RYR1: variants seen among roughly 807,000 people sequenced by gnomAD.
RYR1 encodes central core disease of muscle.
RYR1 carries 342 observed loss-of-function variants against 583.5 expected under a neutral mutation model. The ratio of observed to expected loss-of-function variants is 0.59; its 90% CI spans 0.54 to 0.64. The LOEUF is 0.64. Ranked by LOEUF, RYR1 falls within the 30% of genes least tolerant of loss-of-function variation. The pLI, the probability that RYR1 is intolerant of heterozygous loss-of-function variation, is 0.00. For synonymous variants in RYR1, 2,791 were observed against 2,822.5 expected, an observed-to-expected ratio of 0.99 and a Z score of 0.35; for missense variants, 6,032 against 6,917.2, an observed-to-expected ratio of 0.87 and a Z score of 4.54.
chr19:38,544,630 A>G (rs3786830), intron 87 of RYR1, among the ~76,000 whole-genome samples: 3,470 of 152,150 alleles, frequency 0.023, 95 homozygotes, highest in Admixed American at 0.073. Context: ...TTTTTTTCTA[A>G]TTTGCTCAAA....
intron 89 of RYR1, among the ~76,000 whole-genome samples, chr19:38,554,240 T>G (rs1972784243): frequency 6.7e-6 from 1 of 149,096 alleles, no homozygotes; most frequent in Non-Finnish European, 1.5e-5. Context: ...TCACCTGAGG[T>G]CAGGAGTTCG....
At chr19:38,464,046 A>G (rs1967945107) in intron 22 of RYR1, among the ~76,000 whole-genome samples, 196 bp downstream of exon 22, 2 of 151,872 alleles carry the variant, frequency 1.3e-5, no homozygotes, top group Admixed American at 6.6e-5. Context: ...GGAGGCCGAG[A>G]CGGGTGGATC....
intron 47 of RYR1, among the ~76,000 whole-genome samples, chr19:38,501,545 G>C (rs1238756836): frequency 3.3e-5 from 5 of 152,196 alleles, no homozygotes; most frequent in Admixed American, 6.5e-5. Flanking sequence ...TGGGCACACA[G>C]AACTCTGTAC....
chr19:38,506,780 T>C lies in RYR1; in HGVS notation c.8693-49T>C, dbSNP rs768356363. On this transcript the variant is annotated intron_variant, in intron 56 of 105. Coordinates refer to ENST00000359596, the MANE Select transcript of RYR1 (RefSeq NM_000540.3). Reference sequence around the variant, plus strand: ...ACTGCAGGAACCACTTCAGTGAGAGTGGCCCGGGTCTTCCCCAGAGCCCTG... The same window carrying C: ...ACTGCAGGAACCACTTCAGTGAGAGCGGCCCGGGTCTTCCCCAGAGCCCTG... The C allele has an allele frequency of 5.6e-6, 9 of 1,613,210 alleles. No homozygotes were observed. The South Asian group carries it at 8.8e-5, about 16-fold the overall frequency.
Position 38,587,554 on chromosome 19 carries a change from G to GC in RYR1, c.*140dup. On this transcript the variant is annotated 3_prime_UTR_variant, in exon 106 of 106. Coordinates refer to ENST00000359596, the MANE Select transcript of RYR1 (RefSeq NM_000540.3). ...GTACTGGAAAATAAATCTGTGCTAC[G>GC]CCCCCCAGCATCACTGTGTTGGCCT... The GC allele has an allele frequency of 5.1e-6, 4 of 777,310 alleles. No homozygotes were observed. The highest frequency in any genetic ancestry group is 2.2e-6 in the Non-Finnish European group (1 of 448,154). The allele number at this position is 777,310 out of a possible 1,614,324, so 48.2% of individuals were successfully genotyped here.
At chr19:38,504,611 GT>G (rs1970355426) in intron 50 of RYR1, 136 bp from the exon 51 acceptor site, 2 of 1,261,392 alleles carry the variant, frequency 1.6e-6, no homozygotes, top group East Asian at 5.0e-5. Flanking sequence ...TGACATTTGG[GT>G]TTCAAGGAGA....
intron 27 of RYR1, among the ~76,000 whole-genome samples, chr19:38,469,847 C>T (rs146865065): frequency 0.015 from 2,257 of 151,418 alleles, 72 homozygotes; most frequent in African/African-American, 0.052. Flanking sequence ...CAGGAGGATC[C>T]CTTGAGCCCA....
At chr19:38,504,629 ATAATTCAGGTTTGGGGTTC>A in intron 50 of RYR1, 100 bp from the exon 51 acceptor site, 1 of 1,377,906 alleles carries the variant, frequency 7.3e-7, no homozygotes, top group Non-Finnish European at 1.0e-6. Flanking sequence ...GAGAGGGACC[ATAATTCAGGTTTGGGGTTC>A]AGGGAGGAGG....
chr19:38,463,606 G>A (rs1967909956), intron 21 of RYR1, 79 bp downstream of exon 21: 6 of 1,511,320 alleles, frequency 4.0e-6, no homozygotes, highest in Non-Finnish European at 5.5e-6. Flanking sequence ...CGGCGGAGAG[G>A]AGGGAGGGAC....
chr19:38,434,899 C>T (rs1252714279), intron 1 of RYR1, among the ~76,000 whole-genome samples: 1 of 152,174 alleles, frequency 6.6e-6, no homozygotes, highest in Non-Finnish European at 1.5e-5. Flanking sequence ...AGAATAGGAC[C>T]CTGGCGAGCC....
Position 38,512,205 on chromosome 19 carries a change from C to T in RYR1, c.9234-40C>T, listed in dbSNP as rs1232995363. The T allele has an allele frequency of 3.1e-6, 5 of 1,613,948 alleles. No individual in the cohort carries two copies. The highest frequency in any genetic ancestry group is 3.3e-4 in the Middle Eastern group (2 of 6,084). On this transcript the variant is annotated intron_variant, in intron 62 of 105. Transcript: ENST00000359596. The surrounding 1 kb of genome is among the most constrained non-coding windows in gnomAD (Gnocchi z 5.1). ...ACCCCAACCCCTGGTCTCCTAGACT[C>T]TCCGATTCCAGAGCTGATGTTCCCC...
chr19:38,547,857 G>A (rs925013969), intron 88 of RYR1, among the ~76,000 whole-genome samples: 2 of 151,874 alleles, frequency 1.3e-5, no homozygotes, highest in Non-Finnish European at 2.9e-5. Context: ...GGAAATACAA[G>A]CACATGCCAC....
rs757937423 is a variant in RYR1 at position 38,528,567 on chromosome 19, C to T, written c.10938-32C>T. 10 of 1,610,232 alleles carry T rather than the reference C, an allele frequency of 6.2e-6. No individual in the cohort carries two copies. In the South Asian group the frequency reaches 8.8e-5, roughly 14 times the overall value. ...AGGTCGGGAAGCACGGAGGAGGGCGCGTCCCAGTGACGTCACACCTCTCCC... is the reference window on the plus strand; with the variant it reads ...AGGTCGGGAAGCACGGAGGAGGGCGTGTCCCAGTGACGTCACACCTCTCCC... On this transcript the variant is annotated intron_variant, in intron 74 of 105. Transcript: ENST00000359596.
rs1294278819 is a variant in RYR1, at chr19:38,496,043, A to G, written c.6549-172A>G. Among the ~76,000 whole-genome samples, 5 of 152,140 alleles carry G rather than the reference A, an allele frequency of 3.3e-5. No individual in the cohort carries two copies. Among genetic ancestry groups the G allele is most frequent in the South Asian group, 2.1e-4 (1 of 4,830 alleles). ...CTCCCAAAGTGCTGGGATTACACGC[A>G]TGAGCCACCGCACCCGGCCAGCTGT... is the stretch of plus-strand genomic sequence containing the variant. On this transcript the variant is annotated intron_variant, in intron 39 of 105. Coordinates refer to ENST00000359596, the MANE Select transcript of RYR1 (RefSeq NM_000540.3). The surrounding 1 kb of genome is among the most constrained non-coding windows in gnomAD (Gnocchi z 4.8).
intron 101 of RYR1, among the ~76,000 whole-genome samples, chr19:38,583,592 G>T (rs565418116): frequency 6.6e-6 from 1 of 151,742 alleles, no homozygotes; most frequent in East Asian, 1.9e-4. Context: ...AGATAAAGTC[G>T]AATCACCCTG....
In RYR1 at chr19:38,448,501, G is replaced by A. The variant is rs193922761; in HGVS notation, c.947G>A (p.Arg316His). 9.3e-6 allele frequency: 15 copies of A among 1,614,030 alleles called. No homozygotes were observed. The Admixed American group carries it at 1.0e-4, about 11-fold the overall frequency. Residue 316 changes from arginine (R) to histidine (H), a missense_variant, in exon 10 of 106, where the codon CGC (arginine) becomes CAC (histidine). Physicochemically the swap from Arg to His is conservative, Grantham distance 29. Coordinates refer to ENST00000359596, the MANE Select transcript of RYR1 (RefSeq NM_000540.3). ...AHTKATSFCF[R>H]ISKEKLDVAP... ...ACCAAGGCTACCTCCTTCTGCTTCC[G>A]CATCTCCAAGGTCAGTGGGGTTTGT...
chr19:38,466,554 T>C (rs1208701506), intron 24 of RYR1, among the ~76,000 whole-genome samples, 156 bp downstream of exon 24: 1 of 143,932 alleles, frequency 6.9e-6, no homozygotes, highest in East Asian at 2.1e-4. Context: ...CAGGCTGGAG[T>C]GCAATGGCGC....
At chr19:38,524,655 C>G (rs1971390171) in intron 70 of RYR1, among the ~76,000 whole-genome samples, 1 of 152,246 alleles carries the variant, frequency 6.6e-6, no homozygotes. Flanking sequence ...ACTCTGTGCC[C>G]TGTGTCTCTG....
intron 84 of RYR1, among the ~76,000 whole-genome samples, chr19:38,540,096 G>A (rs1972133953): frequency 6.6e-6 from 1 of 150,452 alleles, no homozygotes; most frequent in African/African-American, 2.5e-5. Context: ...CTGTAAAAAA[G>A]TTAAGGGGAA....
Sources: gnomAD v4.1 joint callset for allele counts (sites outside exome capture counted in the v4.1 genomes callset) on GRCh38, gnomAD v4.1.1 for gene constraint, Gnocchi (gnomAD v3.1) non-coding constraint, MANE v1.5 for transcripts, NCBI Gene and HGNC (gene_info 2026-07-23, HGNC 2026-07-21) for gene names.